The following CTNNA2 variants were observed in gnomAD, a reference collection of about 807,000 sequenced individuals.
CTNNA2 encodes the protein catenin alpha-2.
Under a neutral mutation model 101.0 loss-of-function variants are expected in CTNNA2, and 42 were observed. That is an observed-to-expected ratio of 0.42 (90% CI 0.32 to 0.54). The LOEUF (loss-of-function observed/expected upper bound fraction) is 0.54. Among genes scored for constraint, CTNNA2 ranks in the 20% least tolerant of loss-of-function variants. CTNNA2 has a pLI of 0.14. For synonymous variants in CTNNA2, 450 were observed against 456.4 expected, an observed-to-expected ratio of 0.99 and a Z score of 0.18; for missense variants, 871 against 1,223.1, an observed-to-expected ratio of 0.71 and a Z score of 4.29.
intron 7 of CTNNA2, among the ~76,000 whole-genome samples, chr2:80,236,150 T>G (rs1372754979): frequency 6.6e-6 from 1 of 152,236 alleles, no homozygotes; most frequent in East Asian, 1.9e-4. Context: ...CTTGTTCTTT[T>G]TTATGGCTGT....
intron 18 of CTNNA2, among the ~76,000 whole-genome samples, chr2:80,626,607 T>C (rs1671708350): frequency 6.6e-6 from 1 of 152,070 alleles, no homozygotes; most frequent in Non-Finnish European, 1.5e-5. Context: ...GGCAAATGAA[T>C]ATTAGATGAG....
intron 7 of CTNNA2, among the ~76,000 whole-genome samples, chr2:80,220,867 GTTTGTTTTTGTTTTGT>G (rs1436503629): frequency 1.3e-5 from 2 of 151,982 alleles, no homozygotes; most frequent in East Asian, 3.9e-4. Context: ...CTGGTTTTTT[GTTTGTTTTTGTTTTGT>G]TTTGTTTTTG....
chr2:79,280,702 A>AGAGAGAGG (rs1675353131), intron 2 of CTNNA2, among the ~76,000 whole-genome samples: 2 of 133,224 alleles, frequency 1.5e-5, no homozygotes, highest in African/African-American at 5.6e-5. Flanking sequence ...AGAGAGAGAG[A>AGAGAGAGG]CCTATAGCTC....
intron 3 of CTNNA2, among the ~76,000 whole-genome samples, chr2:79,781,533 A>G (rs1206320008): frequency 6.6e-6 from 1 of 152,178 alleles, no homozygotes; most frequent in Non-Finnish European, 1.5e-5. Flanking sequence ...CCATTTGCCA[A>G]AAACAGTACA....
At chr2:80,562,532 A>T (rs545281336) in intron 12 of CTNNA2, among the ~76,000 whole-genome samples, 7 of 152,342 alleles carry the variant, frequency 4.6e-5, no homozygotes, top group African/African-American at 1.7e-4. Flanking sequence ...AAATGGAGGA[A>T]ATTTGACATC....
At chr2:79,857,883 G>A in intron 3 of CTNNA2, 130 bp from the exon 4 acceptor site, 1 of 924,028 alleles carries the variant, frequency 1.1e-6, no homozygotes, top group South Asian at 1.6e-5. Context: ...CTGCAATAGA[G>A]GTGGCAGAAA....
intron 2 of CTNNA2, among the ~76,000 whole-genome samples, chr2:79,692,994 C>T (rs1684416128): frequency 6.6e-6 from 1 of 151,450 alleles, no homozygotes. Flanking sequence ...GCAAGTTCTG[C>T]ACATGTATCT....
intron 4 of CTNNA2, among the ~76,000 whole-genome samples, chr2:79,410,164 T>C (rs1325817309): frequency 1.7e-4 from 25 of 147,434 alleles, no homozygotes; most frequent in Non-Finnish European, 2.8e-4. Context: ...ATCCTGAGAC[T>C]TTGCTGAAGT....
intron 7 of CTNNA2, among the ~76,000 whole-genome samples, chr2:80,097,611 G>A (rs1450611727): frequency 6.6e-6 from 1 of 152,128 alleles, no homozygotes; most frequent in African/African-American, 2.4e-5. Context: ...TTTCCAACTT[G>A]GTTCCATTCT....
At chr2:79,277,537 C>T (rs1368954) in intron 2 of CTNNA2, among the ~76,000 whole-genome samples, 4 of 151,936 alleles carry the variant, frequency 2.6e-5, no homozygotes, top group African/African-American at 9.6e-5. Context: ...AGGAGACTGA[C>T]GGTTCCTACC....
At chr2:79,985,775 G>A (rs1018234400) in intron 7 of CTNNA2, among the ~76,000 whole-genome samples, 1 of 152,172 alleles carries the variant, frequency 6.6e-6, no homozygotes, top group Non-Finnish European at 1.5e-5. Context: ...GAGTGTGCCA[G>A]CAGCCAGCAT....
At chr2:80,636,677 G>A in intron 18 of CTNNA2, among the ~76,000 whole-genome samples, 1 of 151,972 alleles carries the variant, frequency 6.6e-6, no homozygotes, top group East Asian at 1.9e-4. Flanking sequence ...TCCTTGAAGT[G>A]GTCGTATAAA....
chr2:79,801,916 C>T (rs111784429), intron 3 of CTNNA2, among the ~76,000 whole-genome samples: 16,507 of 147,792 alleles, frequency 0.11, 1,051 homozygotes, highest in Admixed American at 0.17. Flanking sequence ...CGCTTGAACC[C>T]GGGAGGCAGA....
At chr2:80,316,574 C>T (rs1558999920) in intron 7 of CTNNA2, among the ~76,000 whole-genome samples, 1 of 152,082 alleles carries the variant, frequency 6.6e-6, no homozygotes, top group Non-Finnish European at 1.5e-5. Context: ...GCTGGTCTCC[C>T]CTAGTTTGTT....
chr2:80,211,199 G>C (rs1234540197), intron 7 of CTNNA2, among the ~76,000 whole-genome samples: 1 of 152,160 alleles, frequency 6.6e-6, no homozygotes, highest in East Asian at 1.9e-4. Context: ...TTCTTTTGCT[G>C]TGCAGAAGCT....
chr2:80,612,296 A>T (rs1208091332), intron 17 of CTNNA2, among the ~76,000 whole-genome samples: 1 of 151,414 alleles, frequency 6.6e-6, no homozygotes, highest in African/African-American at 2.4e-5. Context: ...AAAAAATTGG[A>T]CTCTAATTAC....
chr2:79,527,094 T>C (rs991721985), intron 1 of CTNNA2, among the ~76,000 whole-genome samples: 4 of 152,082 alleles, frequency 2.6e-5, no homozygotes, highest in African/African-American at 9.7e-5. Context: ...AGAACATATT[T>C]ACAAATCATA....
rs900008840 is a variant in CTNNA2, at chr2:79,874,208, C to A, written c.718C>A (p.Arg240=). ...HPDVAATRAN[R]DYVFKQVQEA... Reference sequence around the variant, plus strand: ...AGATGTCGCCGCTACGAGAGCCAACCGAGATTATGTGTTCAAACAAGTCCA... The same window carrying A: ...AGATGTCGCCGCTACGAGAGCCAACAGAGATTATGTGTTCAAACAAGTCCA... The change falls in exon 6 of 19, where the codon CGA becomes AGA. Residue 240 remains arginine, a synonymous_variant. Coordinates refer to ENST00000402739, the MANE Select transcript of CTNNA2 (RefSeq NM_001282597.3). 1.2e-6 allele frequency: 2 copies of A among 1,614,116 alleles called. No individual in the cohort carries two copies. Among genetic ancestry groups the A allele is most frequent in the Non-Finnish European group, 8.5e-7 (1 of 1,180,038 alleles).
At chr2:79,623,939 A>G (rs1679146680) in intron 1 of CTNNA2, among the ~76,000 whole-genome samples, 1 of 152,110 alleles carries the variant, frequency 6.6e-6, no homozygotes, top group Admixed American at 6.6e-5. Flanking sequence ...CTGTAACTTG[A>G]CTTAAATCAT....
Sources: gnomAD v4.1 joint callset for allele counts (sites outside exome capture counted in the v4.1 genomes callset) on GRCh38, gnomAD v4.1.1 for gene constraint, MANE v1.5 for transcripts, NCBI Gene and HGNC (gene_info 2026-07-23, HGNC 2026-07-21) for gene names.